Variants in TRIM23 observed in about 807,000 individuals in gnomAD.
The protein encoded by TRIM23 is E3 ubiquitin-protein ligase TRIM23.
Under a neutral mutation model 71.0 loss-of-function variants are expected in TRIM23, and 27 were observed. The observed-to-expected ratio is 0.38, with a 90% confidence interval of 0.28 to 0.52. The LOEUF (loss-of-function observed/expected upper bound fraction) is 0.52, where lower values mean the gene tolerates loss of function less well. Ranked by LOEUF, TRIM23 falls within the 20% of genes least tolerant of loss-of-function variation. The pLI, the probability that TRIM23 is intolerant of heterozygous loss-of-function variation, is 0.84. For synonymous variants in TRIM23, 234 were observed against 238.0 expected, an observed-to-expected ratio of 0.98 and a Z score of 0.16; for missense variants, 482 against 692.3, an observed-to-expected ratio of 0.70 and a Z score of 3.41.
chr5:65,605,703 T>C (rs1178450954), intron 6 of TRIM23, among the ~76,000 whole-genome samples: 1 of 152,148 alleles, frequency 6.6e-6, no homozygotes, highest in Non-Finnish European at 1.5e-5. Context: ...TTGAATATTA[T>C]TCCAGACTAT....
At chr5:65,624,047 G>A (rs1755035930) in intron 1 of TRIM23, 147 bp downstream of exon 1, 5 of 797,120 alleles carry the variant, frequency 6.3e-6, no homozygotes, top group African/African-American at 1.7e-5. Flanking sequence ...AGGATGCAGA[G>A]GACAGGACGA....
chr5:65,613,621 T>C, intron 3 of TRIM23: 1 of 929,354 alleles, frequency 1.1e-6, no homozygotes, highest in Non-Finnish European at 1.4e-6. Flanking sequence ...AGACAGTACA[T>C]CTATACAAAG....
At chr5:65,613,261 A>G (rs1246325322) in intron 3 of TRIM23, among the ~76,000 whole-genome samples, 1 of 152,250 alleles carries the variant, frequency 6.6e-6, no homozygotes, top group Non-Finnish European at 1.5e-5. Context: ...TTAAAGATTT[A>G]GCACAGAAAG....
chr5:65,592,634 T>C (rs544642199), intron 10 of TRIM23, among the ~76,000 whole-genome samples: 63 of 152,254 alleles, frequency 4.1e-4, no homozygotes, highest in African/African-American at 1.5e-3. Flanking sequence ...ACATTCCCAC[T>C]CTGAACACCC....
chr5:65,607,470 GCTCT>G (rs1017005455), intron 6 of TRIM23, among the ~76,000 whole-genome samples: 3 of 152,086 alleles, frequency 2.0e-5, no homozygotes, highest in African/African-American at 4.8e-5. Context: ...CCTCTCCTTT[GCTCT>G]CTCTTTCTCT....
At chr5:65,618,826 G>A (rs149308034) in intron 1 of TRIM23, among the ~76,000 whole-genome samples, 1 of 152,240 alleles carries the variant, frequency 6.6e-6, no homozygotes, top group East Asian at 1.9e-4. Context: ...TTCAATTCCT[G>A]TTCTCTATCA....
chr5:65,613,938 T>C (rs955193010), intron 3 of TRIM23, 160 bp downstream of exon 3: 5 of 1,519,090 alleles, frequency 3.3e-6, no homozygotes, highest in Non-Finnish European at 4.4e-6. Flanking sequence ...GTTTTTTCTC[T>C]TGGGAATAGT....
In TRIM23 at chr5:65,611,654, G is replaced by C; in HGVS notation, c.594C>G (p.Ser198Arg). ...CTTTGCAGACACAGCACATGAGTGG[G>C]CTAGTTTGACAACCTTCTTCCAAGC... The part of the protein sequence containing the change: ...FVCLEEGCQT[S>R]PLMCCVCKEY... The change falls in exon 4 of 11, where the codon AGC becomes AGG. Residue 198 changes from serine to arginine, a missense_variant. By Grantham distance (110) the Ser-to-Arg change is moderately radical. This residue lies in a region of TRIM23 where 307 missense variants were observed against 495.8 expected (regional missense o/e 0.62). Transcript: ENST00000231524. 1.9e-6 allele frequency: 3 copies of C among 1,614,174 alleles called. No homozygotes were observed. The highest frequency in any genetic ancestry group is 2.5e-6 in the Non-Finnish European group (3 of 1,180,026).
Position 65,614,139 on chromosome 5 carries a change from G to T in TRIM23, c.325C>A (p.Gln109Lys). Reference protein sequence around the residue: ...LERLQNGPIGQYGAAEESIGI... With the variant: ...LERLQNGPIGKYGAAEESIGI... ...ATGGATTCTTCTGCAGCTCCATACT[G>T]ACCAATAGGCCCATTCTGCAGTCGT... The change falls in exon 3 of 11, where the codon CAG (glutamine) becomes AAG (lysine). Residue 109 changes from glutamine to lysine, a missense_variant. By Grantham distance (53) the Gln-to-Lys change is moderately conservative. Coordinates refer to ENST00000231524, the MANE Select transcript of TRIM23 (RefSeq NM_001656.4). The T allele has an allele frequency of 6.2e-7, 1 of 1,613,908 alleles. No individual in the cohort carries two copies. Among genetic ancestry groups the T allele is most frequent in the South Asian group, 1.1e-5 (1 of 91,054 alleles).
intron 6 of TRIM23, chr5:65,607,038 T>A (rs921343841): frequency 7.9e-5 from 12 of 152,210 alleles, no homozygotes; most frequent in Non-Finnish European, 1.8e-4. Flanking sequence ...GCATCCAGTA[T>A]CATGCCAAGA....
At chr5:65,597,731 T>C (rs953435145) in intron 7 of TRIM23, among the ~76,000 whole-genome samples, 1 of 152,216 alleles carries the variant, frequency 6.6e-6, no homozygotes, top group Non-Finnish European at 1.5e-5. Context: ...ATGGCTTCTT[T>C]ACATTTCATA....
chr5:65,614,313 T>C, intron 2 of TRIM23, 94 bp from the exon 3 acceptor site: 1 of 1,179,564 alleles, frequency 8.5e-7, no homozygotes, highest in South Asian at 1.6e-5. Flanking sequence ...TATAGTTCAG[T>C]AGTTAATGTC....
chr5:65,605,173 A>G (rs1724435065), intron 6 of TRIM23, 128 bp from the exon 7 acceptor site: 2 of 862,656 alleles, frequency 2.3e-6, no homozygotes, highest in Non-Finnish European at 3.4e-6. Flanking sequence ...TAAATTTGAC[A>G]AAAATAATAA....
chr5:65,614,327 A>AT, intron 2 of TRIM23, 108 bp from the exon 3 acceptor site: 2 of 1,065,002 alleles, frequency 1.9e-6, no homozygotes, highest in Non-Finnish European at 2.7e-6. Flanking sequence ...TAATGTCTAA[A>AT]TTTTTAAAAT....
chr5:65,595,811 C>A (rs1050548623), intron 9 of TRIM23, among the ~76,000 whole-genome samples: 1 of 151,998 alleles, frequency 6.6e-6, no homozygotes, highest in South Asian at 2.1e-4. Context: ...AGTCTCTCAT[C>A]TTGGTGGAAA....
chr5:65,595,725 C>CA (rs34644834), intron 9 of TRIM23, among the ~76,000 whole-genome samples: 92,471 of 149,084 alleles, frequency 0.62, 28,726 homozygotes, highest in South Asian at 0.65. Flanking sequence ...GATTCTGTCT[C>CA]AAAAAAAAAA....
At chr5:65,617,348 A>C (rs1754802104) in intron 2 of TRIM23, among the ~76,000 whole-genome samples, 1 of 152,142 alleles carries the variant, frequency 6.6e-6, no homozygotes, top group African/African-American at 2.4e-5. Context: ...AATGTGTTCC[A>C]CTTGAAAAAT....
At chr5:65,592,810 T>C (rs529062924) in intron 10 of TRIM23, among the ~76,000 whole-genome samples, 2 of 152,354 alleles carry the variant, frequency 1.3e-5, no homozygotes, top group African/African-American at 2.4e-5. Context: ...GATGAGTATC[T>C]TTCCATTATC....
chr5:65,590,913 C>T lies in TRIM23; in HGVS notation c.*856G>A, dbSNP rs1159643741. The T allele has an allele frequency of 7.8e-5, 77 of 985,038 alleles. No individual in the cohort carries two copies. Among genetic ancestry groups the T allele is most frequent in the Non-Finnish European group, 8.8e-5 (73 of 829,782 alleles). 61.0% of individuals were successfully genotyped at this position (985,038 alleles called of 1,614,324 possible). ...GTTCTGCGTTACTTACTACATTTTA[C>T]CTATAGTCATTCCCACAAAGGATGC... On this transcript the variant is annotated 3_prime_UTR_variant, in exon 11 of 11. Transcript: ENST00000231524.
Sources: allele counts gnomAD v4.1 joint callset (sites outside exome capture counted in the v4.1 genomes callset), GRCh38; gene constraint gnomAD v4.1.1; regional missense constraint gnomAD v4.1.1; transcripts MANE v1.5; gene names NCBI Gene and HGNC (gene_info 2026-07-23, HGNC 2026-07-21).